The following AGBL4 variants were observed in gnomAD, a reference collection of about 807,000 sequenced individuals.
The protein encoded by AGBL4 is AGBL carboxypeptidase 4.
Under a neutral mutation model 66.4 loss-of-function variants are expected in AGBL4, and 58 were observed. The ratio of observed to expected loss-of-function variants is 0.87; its 90% CI spans 0.71 to 1.09. The LOEUF (loss-of-function observed/expected upper bound fraction) is 1.09. Among genes scored for constraint, AGBL4 ranks in the 50% least tolerant of loss-of-function variants. AGBL4 has a pLI of 0.00. For missense variants in AGBL4, 579 were observed against 631.0 expected (o/e 0.92, Z 0.88); for synonymous variants, 234 against 222.9 (o/e 1.05, Z -0.44).
intron 4 of AGBL4, among the ~76,000 whole-genome samples, chr1:49,236,186 T>C (rs898097252): frequency 3.9e-5 from 6 of 151,954 alleles, no homozygotes; most frequent in Admixed American, 6.6e-5. Context: ...CCCACCACCA[T>C]GCCTGGCTAA....
chr1:49,119,055 A>G (rs1264437093), intron 4 of AGBL4, among the ~76,000 whole-genome samples: 3 of 152,020 alleles, frequency 2.0e-5, no homozygotes, highest in African/African-American at 7.2e-5. Context: ...CCTCTTTATC[A>G]TTTTTTATTG....
intron 2 of AGBL4, among the ~76,000 whole-genome samples, chr1:49,702,330 A>G (rs1048533800): frequency 6.6e-6 from 1 of 152,098 alleles, no homozygotes; most frequent in African/African-American, 2.4e-5. Flanking sequence ...GTCTCTACTA[A>G]AAATACAAAA....
At chr1:48,540,834 T>G (rs1217518365) in intron 11 of AGBL4, among the ~76,000 whole-genome samples, 2 of 152,160 alleles carry the variant, frequency 1.3e-5, no homozygotes, top group African/African-American at 2.4e-5. Flanking sequence ...TCTCCTAGAT[T>G]GCTGTCATCC....
intron 6 of AGBL4, among the ~76,000 whole-genome samples, chr1:48,720,720 A>G (rs1647132660): frequency 6.6e-6 from 1 of 152,172 alleles, no homozygotes; most frequent in African/African-American, 2.4e-5. Flanking sequence ...GCAAACATGT[A>G]TAGAGATGAA....
intron 1 of AGBL4, among the ~76,000 whole-genome samples, chr1:49,889,134 G>A (rs1176679297): frequency 1.3e-5 from 2 of 152,144 alleles, no homozygotes; most frequent in African/African-American, 4.8e-5. Flanking sequence ...TCGTGTAGTT[G>A]GTGGAAAATG....
intron 2 of AGBL4, among the ~76,000 whole-genome samples, chr1:49,834,875 T>G (rs1645804365): frequency 1.3e-5 from 2 of 152,094 alleles, no homozygotes; most frequent in Admixed American, 6.6e-5. Flanking sequence ...CATATAGCTG[T>G]GTGGTTTTGA....
At chr1:49,036,123 G>GA (rs994422115) in intron 5 of AGBL4, among the ~76,000 whole-genome samples, 88 of 144,164 alleles carry the variant, frequency 6.1e-4, no homozygotes, top group African/African-American at 1.6e-3. Flanking sequence ...AAAAAACATT[G>GA]AAAAAAAAAC....
At chr1:49,335,215 A>G (rs1645409985) in intron 3 of AGBL4, among the ~76,000 whole-genome samples, 1 of 152,220 alleles carries the variant, frequency 6.6e-6, no homozygotes, top group Non-Finnish European at 1.5e-5. Context: ...TCAAAAGCCT[A>G]TGAGTCATTT....
At chr1:48,853,275 T>C (rs1647073262) in intron 6 of AGBL4, among the ~76,000 whole-genome samples, 1 of 152,148 alleles carries the variant, frequency 6.6e-6, no homozygotes, top group Non-Finnish European at 1.5e-5. Context: ...TTCAAATAGA[T>C]ACAGCCTTGG....
At chr1:49,983,965 G>C (rs1659296486) in intron 1 of AGBL4, among the ~76,000 whole-genome samples, 3 of 152,092 alleles carry the variant, frequency 2.0e-5, no homozygotes, top group African/African-American at 7.2e-5. Flanking sequence ...CCCTCTTTTG[G>C]GGTTTAGACA....
At chr1:49,230,871 T>G (rs563845730) in intron 4 of AGBL4, among the ~76,000 whole-genome samples, 1 of 152,302 alleles carries the variant, frequency 6.6e-6, no homozygotes, top group East Asian at 1.9e-4. Flanking sequence ...GGATTCCAGT[T>G]AAATCATTTT....
intron 6 of AGBL4, among the ~76,000 whole-genome samples, chr1:48,801,608 C>T (rs1645809832): frequency 6.6e-6 from 1 of 152,112 alleles, no homozygotes; most frequent in Admixed American, 6.5e-5. Context: ...AAGGTTAAAT[C>T]CTTCTTCTGT....
intron 4 of AGBL4, among the ~76,000 whole-genome samples, chr1:49,191,228 A>G (rs915263538): frequency 2.6e-5 from 4 of 152,278 alleles, no homozygotes; most frequent in East Asian, 1.9e-4. Context: ...CTCTAAATCA[A>G]TGTCTCCCAC....
At chr1:49,223,192 C>T (rs1649634004) in intron 4 of AGBL4, among the ~76,000 whole-genome samples, 1 of 151,696 alleles carries the variant, frequency 6.6e-6, no homozygotes, top group Non-Finnish European at 1.5e-5. Context: ...TAAGGTTGAG[C>T]CTTTAAGTTT....
intron 3 of AGBL4, among the ~76,000 whole-genome samples, chr1:49,613,503 T>C (rs1343680924): frequency 6.6e-6 from 1 of 152,166 alleles, no homozygotes; most frequent in Non-Finnish European, 1.5e-5. Context: ...CTACTCACTA[T>C]CACTCACATT....
At chr1:48,889,839 T>A (rs750968863) in intron 5 of AGBL4, among the ~76,000 whole-genome samples, 1 of 152,122 alleles carries the variant, frequency 6.6e-6, no homozygotes, top group Non-Finnish European at 1.5e-5. Context: ...CTCATGTCAA[T>A]TACCCAGGGT....
At chr1:49,110,178 A>C (rs1373895670) in intron 4 of AGBL4, among the ~76,000 whole-genome samples, 2 of 152,150 alleles carry the variant, frequency 1.3e-5, no homozygotes, top group Non-Finnish European at 2.9e-5. Flanking sequence ...ATTTATAATT[A>C]TTTCCTCACA....
intron 6 of AGBL4, among the ~76,000 whole-genome samples, chr1:48,836,623 A>G (rs1276084958): frequency 2.6e-5 from 4 of 152,126 alleles, no homozygotes; most frequent in East Asian, 3.8e-4. Flanking sequence ...AAGAAAACCA[A>G]TAACAAAAAA....
intron 3 of AGBL4, among the ~76,000 whole-genome samples, chr1:49,381,339 G>A (rs1644604122): frequency 6.6e-6 from 1 of 152,140 alleles, no homozygotes; most frequent in Non-Finnish European, 1.5e-5. Context: ...TAAAAAGTCA[G>A]GAAACAACAG....
Sources: gnomAD v4.1 joint callset for allele counts (sites outside exome capture counted in the v4.1 genomes callset) on GRCh38, gnomAD v4.1.1 for gene constraint, MANE v1.5 for transcripts, NCBI Gene and HGNC (gene_info 2026-07-23, HGNC 2026-07-21) for gene names.